TPCN1: variants seen among roughly 807,000 people sequenced by gnomAD.
The protein encoded by TPCN1 is two pore segment channel 1.
In TPCN1, 52 loss-of-function variants were observed where a neutral mutation model predicts 108.8. The observed-to-expected ratio is 0.48, with a 90% CI of 0.38 to 0.60. The LOEUF is 0.60. TPCN1 is among the 20% of genes least tolerant of loss of function. TPCN1 has a pLI of 0.00. For missense variants in TPCN1, 806 were observed against 1,072.8 expected (o/e 0.75, Z 3.47); for synonymous variants, 446 against 433.7 (o/e 1.03, Z -0.35).
intron 3 of TPCN1, among the ~76,000 whole-genome samples, chr12:113,265,762 T>C (rs1280270015): frequency 1.3e-5 from 2 of 151,792 alleles, no homozygotes; most frequent in Admixed American, 1.3e-4. Flanking sequence ...CCTCCCAAAG[T>C]GTTGGGATTA....
At chr12:113,277,820 A>G (rs1175647363) in intron 12 of TPCN1, among the ~76,000 whole-genome samples, 1 of 152,140 alleles carries the variant, frequency 6.6e-6, no homozygotes, top group African/African-American at 2.4e-5. Flanking sequence ...AGCTGAGAAC[A>G]AGCCCTGTTT....
At position 113,288,217 on chromosome 12, in the gene TPCN1, G is replaced by A; in HGVS notation, c.1689G>A (p.Leu563=). ...YRNVLDTMFE[L]LPRMASLGLT... ...ACGTGCTGGACACCATGTTCGAGCT[G>A]CTGCCCCGGATGGCCAGGTACTGCC... Residue 563 remains leucine (L), a synonymous_variant, in exon 20 of 28, where the codon CTG becomes CTA. Coordinates refer to ENST00000335509, the MANE Select transcript of TPCN1 (RefSeq NM_017901.6). This position sits in a 1 kb window ranked among gnomAD's most constrained non-coding sequence, Gnocchi z 4.8. 1 of 1,613,908 alleles carries A rather than the reference G, an allele frequency of 6.2e-7. No homozygotes were observed.
intron 3 of TPCN1, among the ~76,000 whole-genome samples, chr12:113,260,716 AC>A (rs1954998984): frequency 6.6e-6 from 1 of 151,886 alleles, no homozygotes; most frequent in Admixed American, 6.6e-5. Flanking sequence ...GGCTGTGCCA[AC>A]CCCCACAATT....
intron 23 of TPCN1, 98 bp from the exon 24 acceptor site, chr12:113,291,511 T>C (rs1566206188): frequency 6.0e-6 from 6 of 996,862 alleles, no homozygotes; most frequent in Admixed American, 2.1e-5. Flanking sequence ...CAAATCACGG[T>C]GGGGTCTGCG....
intron 2 of TPCN1, among the ~76,000 whole-genome samples, chr12:113,245,219 T>G (rs1056408021): frequency 6.6e-6 from 1 of 150,528 alleles, no homozygotes; most frequent in African/African-American, 2.4e-5. Flanking sequence ...CAGTGAGCCA[T>G]GATCGCACCA....
intron 1 of TPCN1, chr12:113,225,448 G>A (rs1446143514): frequency 3.4e-6 from 1 of 294,520 alleles, no homozygotes. Context: ...TCACTCTCCA[G>A]ACAGAATTAC....
At chr12:113,262,905 C>T (rs956338310) in intron 3 of TPCN1, among the ~76,000 whole-genome samples, 5 of 152,304 alleles carry the variant, frequency 3.3e-5, no homozygotes, top group African/African-American at 7.2e-5. Flanking sequence ...TGTTTAGCCT[C>T]CAGATGATGT....
intron 7 of TPCN1, among the ~76,000 whole-genome samples, chr12:113,271,306 A>G (rs1955490084): frequency 6.6e-6 from 1 of 152,112 alleles, no homozygotes; most frequent in East Asian, 1.9e-4. Flanking sequence ...TAACATGAAC[A>G]CCCATGGACC....
intron 23 of TPCN1, 31 bp from the exon 24 acceptor site, chr12:113,291,578 C>A: frequency 6.2e-7 from 1 of 1,602,508 alleles, no homozygotes. Context: ...GCATGGGCAC[C>A]CCCTCACTGG....
At chr12:113,291,836 T>G in intron 24 of TPCN1, 38 bp from the exon 25 acceptor site, 2 of 670,412 alleles carry the variant, frequency 3.0e-6, no homozygotes, top group Non-Finnish European at 5.3e-6. Context: ...CCCACCCTCC[T>G]CCCCTGCCTC....
At chr12:113,243,818 T>C (rs1431575273) in intron 2 of TPCN1, among the ~76,000 whole-genome samples, 2 of 152,142 alleles carry the variant, frequency 1.3e-5, no homozygotes, top group African/African-American at 4.8e-5. Flanking sequence ...CTCAAGGCAA[T>C]GTTTGCAACC....
intron 27 of TPCN1, 32 bp from the exon 28 acceptor site, chr12:113,295,927 AG>A: frequency 6.5e-7 from 1 of 1,544,532 alleles, no homozygotes; most frequent in Non-Finnish European, 8.8e-7. Flanking sequence ...GGTGGGGTGC[AG>A]CCCTCAGCAC....
Position 113,284,326 on chromosome 12 carries a change from C to G in TPCN1, c.1343-255C>G, listed in dbSNP as rs992982384. Reference sequence around the variant, plus strand: ...ATTTGGAATAATCTCTACATCATAACTGGTATTCATACAGTGACAGAGGGA... The same window carrying G: ...ATTTGGAATAATCTCTACATCATAAGTGGTATTCATACAGTGACAGAGGGA... On this transcript the variant is annotated intron_variant, in intron 15 of 27. Transcript: ENST00000335509. This position sits in a 1 kb window ranked among gnomAD's most constrained non-coding sequence, Gnocchi z 4.1. 2.6e-5 allele frequency among the ~76,000 whole-genome samples: 4 copies of G among 152,182 alleles called. No individual in the cohort carries two copies. Among genetic ancestry groups the G allele is most frequent in the African/African-American group, 4.8e-5 (2 of 41,434 alleles).
rs1275024208 is a variant in TPCN1 at position 113,232,064 on chromosome 12, GT to G, written c.112+5101del. Among the ~76,000 whole-genome samples, 1 of 152,248 alleles carries G rather than the reference GT, an allele frequency of 6.6e-6. No individual in the cohort carries two copies. The highest frequency in any genetic ancestry group is 1.5e-5 in the Non-Finnish European group (1 of 68,052). ...TGCTGCCTAAGATGGGCTGGACCAT[GT>G]GCCTTTTCTGAGTGAAGGAAGGATT... is the stretch of plus-strand genomic sequence containing the variant. On this transcript the variant is annotated intron_variant, in intron 2 of 27. Transcript: ENST00000335509. This position sits in a 1 kb window ranked among gnomAD's most constrained non-coding sequence, Gnocchi z 5.6.
In TPCN1 at chr12:113,272,488, G is replaced by C. The variant is rs1464985148; in HGVS notation, c.749-170G>C. 6.6e-6 allele frequency among the ~76,000 whole-genome samples: 1 copy of C among 152,188 alleles called. No homozygotes were observed. Among genetic ancestry groups the C allele is most frequent in the Admixed American group, 6.5e-5 (1 of 15,282 alleles). ...GCAAGCGTCTGGTGCCAGCAGCCCT[G>C]CTCCCTTCCAACAGAGCATGTGTTC... On this transcript the variant is annotated intron_variant, in intron 7 of 27. Coordinates refer to ENST00000335509, the MANE Select transcript of TPCN1 (RefSeq NM_017901.6). The surrounding 1 kb of genome is among the most constrained non-coding windows in gnomAD (Gnocchi z 4.1).
Position 113,284,026 on chromosome 12 carries a change from T to A in TPCN1, c.1343-555T>A, listed in dbSNP as rs57030722. Among the ~76,000 whole-genome samples, 716 of 152,318 alleles carry A rather than the reference T, an allele frequency of 4.7e-3. 9 individuals are homozygous for A. Among genetic ancestry groups the A allele is most frequent in the African/African-American group, 0.016 (649 of 41,584 alleles). Reference sequence around the variant, plus strand: ...GCCAGTTTATGAATGTATCGTAGTCTGTTCAACCAGTCCCCTACTGATGAT... The same window carrying A: ...GCCAGTTTATGAATGTATCGTAGTCAGTTCAACCAGTCCCCTACTGATGAT... On this transcript the variant is annotated intron_variant, in intron 15 of 27. Transcript: ENST00000335509. The surrounding 1 kb of genome is among the most constrained non-coding windows in gnomAD (Gnocchi z 4.1).
chr12:113,231,058 C>T lies in TPCN1; in HGVS notation c.112+4094C>T, dbSNP rs16942639. ...GCAGAATGCAGATGCAGGCCATCCGCGGAGTTGGCAACGACATGAGCATGG... is the reference window on the plus strand; with the variant it reads ...GCAGAATGCAGATGCAGGCCATCCGTGGAGTTGGCAACGACATGAGCATGG... On this transcript the variant is annotated intron_variant, in intron 2 of 27. Transcript: ENST00000335509. The surrounding 1 kb of genome is among the most constrained non-coding windows in gnomAD (Gnocchi z 4.3). Among the ~76,000 whole-genome samples, 2,610 of 152,330 alleles carry T rather than the reference C, an allele frequency of 0.017. 58 individuals are homozygous for T. The highest frequency in any genetic ancestry group is 0.059 in the African/African-American group (2,434 of 41,580).
chr12:113,240,816 G>A (rs1954086202), intron 2 of TPCN1, among the ~76,000 whole-genome samples: 2 of 149,878 alleles, frequency 1.3e-5, no homozygotes, highest in South Asian at 2.1e-4. Flanking sequence ...GCACAATTTC[G>A]GCTCACTGCA....
At position 113,268,924 on chromosome 12, in the gene TPCN1, T is replaced by G. The variant is rs990391473; in HGVS notation, c.659+52T>G. ...GTCACTATCCTGGCATGGCCTGACC[T>G]CTGGGCCAGTGGGGCAGGAGCTTGT... On this transcript the variant is annotated intron_variant, in intron 6 of 27. Transcript: ENST00000335509. The surrounding 1 kb of genome is among the most constrained non-coding windows in gnomAD (Gnocchi z 7.3). 1 of 1,607,018 alleles carries G rather than the reference T, an allele frequency of 6.2e-7. No individual in the cohort carries two copies. Among genetic ancestry groups the G allele is most frequent in the Non-Finnish European group, 8.5e-7 (1 of 1,175,820 alleles).
Sources: gnomAD v4.1 joint callset for allele counts (sites outside exome capture counted in the v4.1 genomes callset) on GRCh38, gnomAD v4.1.1 for gene constraint, Gnocchi (gnomAD v3.1) non-coding constraint, MANE v1.5 for transcripts, NCBI Gene and HGNC (gene_info 2026-07-23, HGNC 2026-07-21) for gene names.